The following THOC5 variants were observed in gnomAD, a reference collection of about 807,000 sequenced individuals.
THOC5 encodes the protein Fms-interacting protein.
A neutral mutation model predicts 92.9 loss-of-function variants in THOC5; 43 were observed. The ratio of observed to expected loss-of-function variants is 0.46; its 90% CI spans 0.36 to 0.60. The LOEUF (loss-of-function observed/expected upper bound fraction) is 0.60, where lower values mean the gene tolerates loss of function less well. Among genes scored for constraint, THOC5 ranks in the 20% least tolerant of loss-of-function variants. The pLI is 0.00. For missense variants in THOC5, 659 were observed against 849.4 expected (o/e 0.78, Z 2.79); for synonymous variants, 296 against 320.1 (o/e 0.92, Z 0.80).
At chr22:29,520,195 A>G (rs1050003652) in intron 13 of THOC5, 91 bp from the exon 14 acceptor site, 19 of 1,129,612 alleles carry the variant, frequency 1.7e-5, no homozygotes, top group Non-Finnish European at 2.3e-5. Context: ...CATGCCCCAC[A>G]AACCATCCAG....
intron 7 of THOC5, chr22:29,534,926 T>G (rs1280788110): frequency 8.1e-6 from 1 of 123,448 alleles, no homozygotes; most frequent in East Asian, 2.6e-4. Context: ...GCCACTGCAC[T>G]CCAGCCTGGG....
At chr22:29,541,461 T>C (rs1189019405) in intron 5 of THOC5, among the ~76,000 whole-genome samples, 8 of 146,598 alleles carry the variant, frequency 5.5e-5, no homozygotes, top group African/African-American at 1.5e-4. Flanking sequence ...TGAGCCAGGA[T>C]TGTGCCACCA....
Position 29,521,084 on chromosome 22 carries a change from A to G in THOC5, c.1191T>C (p.Pro397=). 1 of 1,613,466 alleles carries G rather than the reference A, an allele frequency of 6.2e-7. No homozygotes were observed. Among genetic ancestry groups the G allele is most frequent in the Non-Finnish European group, 8.5e-7 (1 of 1,179,408 alleles). The stretch of plus-strand genomic sequence containing the variant: ...GATACAAGCAACTCAGGACTGAGTC[A>G]GGAGACAGCAAGTCACTAGAAAAGG... The part of the protein sequence containing the change: ...TPISAGDLLS[P]DSVLSCLYPG... The change falls in exon 13 of 20, where the codon CCT becomes CCC. Residue 397 remains proline (P), a synonymous_variant. Transcript: ENST00000490103.
chr22:29,536,811 A>G, intron 6 of THOC5, 73 bp from the exon 7 acceptor site: 1 of 835,158 alleles, frequency 1.2e-6, no homozygotes, highest in Non-Finnish European at 2.1e-6. Context: ...TCACTGTCAG[A>G]CTCCACCTAA....
chr22:29,543,534 T>C lies in THOC5; in HGVS notation c.249A>G (p.Glu83=). 1.2e-6 allele frequency: 2 copies of C among 1,613,252 alleles called. No homozygotes were observed. The highest frequency in any genetic ancestry group is 1.7e-6 in the Non-Finnish European group (2 of 1,179,458). ...KSRGGKDVAI[E]IEERRIQSCV... is the part of the protein sequence containing the mutation. The stretch of plus-strand genomic sequence containing the variant: ...AGCTCTGGATCCTCCGTTCTTCTAT[T>C]TCTATTGCCTGTGGGCAAAGAAAAC... The change falls in exon 4 of 20, where the codon GAA becomes GAG. Residue 83 remains glutamate (E), a synonymous_variant. Coordinates refer to ENST00000490103, the MANE Select transcript of THOC5 (RefSeq NM_003678.5).
chr22:29,507,398 C>T lies in THOC5; in HGVS notation c.*1059G>A, dbSNP rs922090255. Reference sequence around the variant, plus strand: ...TTTATTTTTGAGACGGAGTCTCACTCTCGCCCAAGCCGGAGCGCAGGAGCG... The same window carrying T: ...TTTATTTTTGAGACGGAGTCTCACTTTCGCCCAAGCCGGAGCGCAGGAGCG... On this transcript the variant is annotated 3_prime_UTR_variant, in exon 20 of 20. Transcript: ENST00000490103. 3.3e-5 allele frequency: 5 copies of T among 152,206 alleles called. No homozygotes were observed. Among genetic ancestry groups the T allele is most frequent in the African/African-American group, 4.8e-5 (2 of 41,454 alleles). The allele number at this position is 152,206 out of a possible 1,614,324, so 9.4% of individuals were successfully genotyped here.
intron 2 of THOC5, among the ~76,000 whole-genome samples, chr22:29,545,485 T>C (rs1340801281): frequency 2.0e-5 from 3 of 152,204 alleles, no homozygotes; most frequent in Non-Finnish European, 4.4e-5. Context: ...CTTCCGCCTA[T>C]GAGCCTGTAA....
chr22:29,552,039 G>A (rs1453291490), intron 1 of THOC5, among the ~76,000 whole-genome samples: 3 of 151,848 alleles, frequency 2.0e-5, no homozygotes, highest in South Asian at 2.1e-4. Flanking sequence ...GGCCAGCCTC[G>A]GCCTCCCGAG....
chr22:29,510,701 C>T (rs1163684859), intron 19 of THOC5, among the ~76,000 whole-genome samples: 2 of 152,158 alleles, frequency 1.3e-5, no homozygotes, highest in Non-Finnish European at 2.9e-5. Context: ...GAGATCTGCA[C>T]TCCTATCTGT....
intron 12 of THOC5, among the ~76,000 whole-genome samples, chr22:29,521,997 T>C (rs2063450927): frequency 2.6e-5 from 4 of 152,068 alleles, no homozygotes; most frequent in Admixed American, 2.6e-4. Flanking sequence ...TGAGTATCCC[T>C]GTTCCCCAAG....
At chr22:29,534,958 C>CCAA (rs2063728600) in intron 7 of THOC5, 2 of 49,418 alleles carry the variant, frequency 4.0e-5, no homozygotes, top group African/African-American at 8.2e-5. Flanking sequence ...GACTCTGTCT[C>CCAA]AAAAAAAAAA....
Position 29,517,123 on chromosome 22 carries a change from G to C in THOC5, c.1594-7C>G, listed in dbSNP as rs770695148. 7 of 1,613,998 alleles carry C rather than the reference G, an allele frequency of 4.3e-6. No individual in the cohort carries two copies. The highest frequency in any genetic ancestry group is 5.9e-6 in the Non-Finnish European group (7 of 1,179,988). Reference sequence around the variant, plus strand: ...CTTTGGTGAAGTGCAGCTCCTAGAAGAGGTACCACAGACAAGAGGTGAACT... The same window carrying C: ...CTTTGGTGAAGTGCAGCTCCTAGAACAGGTACCACAGACAAGAGGTGAACT... On this transcript the variant is annotated splice_polypyrimidine_tract_variant and splice_region_variant and intron_variant, in intron 16 of 19. Transcript: ENST00000490103.
At chr22:29,529,125 G>C (rs753009354) in intron 9 of THOC5, 37 bp downstream of exon 9, 1 of 1,604,324 alleles carries the variant, frequency 6.2e-7, no homozygotes, top group East Asian at 2.2e-5. Flanking sequence ...ATGGTGACCT[G>C]GTGTCCCTGG....
In THOC5 at chr22:29,549,061, G is replaced by A. The variant is rs1183688048; in HGVS notation, c.87C>T (p.Asp29=). 2.5e-6 allele frequency: 4 copies of A among 1,614,070 alleles called. No individual in the cohort carries two copies. The highest frequency in any genetic ancestry group is 3.4e-6 in the Non-Finnish European group (4 of 1,179,994). Residue 29 remains aspartate, a synonymous_variant, in exon 2 of 20, where the codon GAC becomes GAT. Coordinates refer to ENST00000490103, the MANE Select transcript of THOC5 (RefSeq NM_003678.5). ...APAEGKRNRS[D]TEQEGKYYSE... is the part of the protein sequence containing the mutation. ...CCCTGACTGATCTCACCTGCTCGGT[G>A]TCAGATCGATTCCGCTTTCCTTCAG...
chr22:29,517,076 G>T lies in THOC5; in HGVS notation c.1634C>A (p.Ala545Asp). 1.2e-6 allele frequency: 2 copies of T among 1,614,172 alleles called. No individual in the cohort carries two copies. The highest frequency in any genetic ancestry group is 1.7e-6 in the Non-Finnish European group (2 of 1,180,030). ...FTKDIVDAGL[A>D]GDTNLYYMAL... ...CATGTAGTAGAGATTGGTGTCCCCA[G>T]CCAGTCCCGCATCCACAATGTCTTT... is the stretch of plus-strand genomic sequence containing the variant. Residue 545 changes from alanine to aspartate, a missense_variant, in exon 17 of 20, where the codon GCT (alanine) becomes GAT (aspartate). Coordinates refer to ENST00000490103, the MANE Select transcript of THOC5 (RefSeq NM_003678.5).
chr22:29,548,551 T>C (rs2064075133), intron 2 of THOC5, among the ~76,000 whole-genome samples: 1 of 152,042 alleles, frequency 6.6e-6, no homozygotes, highest in Non-Finnish European at 1.5e-5. Context: ...TGAGACCCTG[T>C]CTCAAAAAAA....
At chr22:29,517,867 C>T (rs999629629) in intron 15 of THOC5, among the ~76,000 whole-genome samples, 55 of 152,178 alleles carry the variant, frequency 3.6e-4, no homozygotes, top group African/African-American at 1.2e-3. Flanking sequence ...AGTTCCCTAC[C>T]TTGGGACAAA....
Position 29,517,356 on chromosome 22 carries a change from A to C in THOC5, c.1500T>G (p.Ile500Met). The C allele has an allele frequency of 6.2e-7, 1 of 1,614,064 alleles. No individual in the cohort carries two copies. Among genetic ancestry groups the C allele is most frequent in the Non-Finnish European group, 8.5e-7 (1 of 1,179,972 alleles). ...ACTGGCAATCACTGGTAACTGGCAC[A>C]ATGCCATGTTCTAAAAGAGAACAAG... The part of the protein sequence containing the change: ...HKQFASLEHG[I>M]VPVTSDCQYL... The change falls in exon 16 of 20, where the codon ATT becomes ATG. Residue 500 changes from isoleucine (I) to methionine (M), a missense_variant. Coordinates refer to ENST00000490103, the MANE Select transcript of THOC5 (RefSeq NM_003678.5).
intron 2 of THOC5, among the ~76,000 whole-genome samples, chr22:29,545,390 C>T (rs1447439037): frequency 6.6e-6 from 1 of 152,178 alleles, no homozygotes; most frequent in East Asian, 1.9e-4. Flanking sequence ...TCATGCCTTC[C>T]CAACAGTCGC....
Sources: gnomAD v4.1 joint callset for allele counts (sites outside exome capture counted in the v4.1 genomes callset) on GRCh38, gnomAD v4.1.1 for gene constraint, MANE v1.5 for transcripts, NCBI Gene and HGNC (gene_info 2026-07-23, HGNC 2026-07-21) for gene names.